PSG2: variants seen among roughly 807,000 people sequenced by gnomAD.
The protein encoded by PSG2 is pregnancy-specific beta-1-glycoprotein 2.
A neutral mutation model predicts 36.2 loss-of-function variants in PSG2; 49 were observed. The observed-to-expected ratio is 1.35, with a 90% CI of 1.08 to 1.72. The LOEUF (loss-of-function observed/expected upper bound fraction) is 1.72. PSG2 is among the 40% of genes most tolerant of loss of function. The pLI is 0.00. For missense variants in PSG2, 605 were observed against 407.2 expected, an observed-to-expected ratio of 1.49 and a Z score of -4.18; for synonymous variants, 261 against 155.6, an observed-to-expected ratio of 1.68 and a Z score of -5.04.
chr19:43,070,874 T>C (rs1334937843), intron 4 of PSG2, among the ~76,000 whole-genome samples: 2 of 151,662 alleles, frequency 1.3e-5, no homozygotes, highest in East Asian at 3.9e-4. Flanking sequence ...CTCTCTATAA[T>C]TACACACTTT....
chr19:43,078,554 C>T (rs1227391718), intron 2 of PSG2, among the ~76,000 whole-genome samples: 1 of 151,654 alleles, frequency 6.6e-6, no homozygotes, highest in Non-Finnish European at 1.5e-5. Context: ...TGGTCCCTAC[C>T]TAGAGGCGGA....
In PSG2 at chr19:43,082,404, T is replaced by A; in HGVS notation, c.64+102A>T. 6 of 1,532,178 alleles carry A rather than the reference T, an allele frequency of 3.9e-6. No homozygotes were observed. In the South Asian group the frequency reaches 4.5e-5, roughly 11 times the overall value. 94.9% of individuals were successfully genotyped at this position (1,532,178 alleles called of 1,614,324 possible). A position where few individuals can be genotyped will look rare whatever the true frequency, so the allele number is the denominator to read the frequency against. ...ATCCACCCACCTCAGCCTCCCTAAG[T>A]GCTGGCTTCTTTCATTTTTTAGAAC... is the stretch of plus-strand genomic sequence containing the variant. On this transcript the variant is annotated intron_variant, in intron 1 of 5. Coordinates refer to ENST00000406487, the MANE Select transcript of PSG2 (RefSeq NM_031246.4).
At chr19:43,068,540 T>C (rs1967774179) in intron 4 of PSG2, among the ~76,000 whole-genome samples, 2 of 150,200 alleles carry the variant, frequency 1.3e-5, no homozygotes, top group South Asian at 2.1e-4. Context: ...ATTATGAAAG[T>C]ACTATAAATA....
intron 2 of PSG2, among the ~76,000 whole-genome samples, chr19:43,077,527 A>G (rs1967914198): frequency 1.3e-5 from 2 of 151,696 alleles, no homozygotes. Context: ...GAAGATTCTA[A>G]GTGAGATGCC....
At chr19:43,069,485 C>G (rs1363925399) in intron 4 of PSG2, among the ~76,000 whole-genome samples, 2 of 151,742 alleles carry the variant, frequency 1.3e-5, no homozygotes, top group Admixed American at 6.6e-5. Context: ...GTAATCAATA[C>G]AGTGTGGTAC....
At chr19:43,074,818 C>A (rs1485381620) in intron 3 of PSG2, among the ~76,000 whole-genome samples, 1 of 151,778 alleles carries the variant, frequency 6.6e-6, no homozygotes, top group Non-Finnish European at 1.5e-5. Flanking sequence ...AACACTTGTG[C>A]TGATTGCTGG....
chr19:43,079,654 G>A (rs1170267021), intron 2 of PSG2, among the ~76,000 whole-genome samples: 2 of 151,506 alleles, frequency 1.3e-5, no homozygotes. Flanking sequence ...CAGTGATGGG[G>A]GTTAAGATCT....
chr19:43,072,339 A>T, intron 3 of PSG2: 4 of 1,611,900 alleles, frequency 2.5e-6, no homozygotes, highest in Non-Finnish European at 3.4e-6. Context: ...CCCACAGAGG[A>T]ACAAAAGATA....
At chr19:43,065,246 G>C (rs185106777) in intron 5 of PSG2, among the ~76,000 whole-genome samples, 1 of 151,262 alleles carries the variant, frequency 6.6e-6, no homozygotes, top group Admixed American at 6.6e-5. Context: ...AAATAAGGTG[G>C]CTTTTCCGTT....
intron 2 of PSG2, among the ~76,000 whole-genome samples, chr19:43,076,368 A>G (rs954573927): frequency 6.6e-6 from 1 of 151,764 alleles, no homozygotes; most frequent in African/African-American, 2.4e-5. Flanking sequence ...TTCTGGGTCC[A>G]CAATGCTCCC....
chr19:43,065,736 A>G (rs542053288), intron 5 of PSG2: 24 of 151,762 alleles, frequency 1.6e-4, no homozygotes, highest in South Asian at 6.2e-4. Context: ...ACATGAACTG[A>G]TCATCAGGAA....
rs567878990 is a variant in PSG2, at chr19:43,079,547, T to C, written c.430+1334A>G. Among the ~76,000 whole-genome samples the C allele has an allele frequency of 1.4e-4, 21 of 151,736 alleles. No homozygotes were observed. In the East Asian group the frequency reaches 3.9e-3, roughly 28 times the overall value. ...TGTGTGTCTCTCACTGGGCCTGTGC[T>C]GATGCAGGGTGTGAGTGGGGAAAGA... is the stretch of plus-strand genomic sequence containing the variant. On this transcript the variant is annotated intron_variant, in intron 2 of 5. Transcript: ENST00000406487.
intron 4 of PSG2, among the ~76,000 whole-genome samples, chr19:43,071,274 C>T (rs1438841708): frequency 6.6e-6 from 1 of 151,560 alleles, no homozygotes; most frequent in Non-Finnish European, 1.5e-5. Flanking sequence ...GCTTCCTCCT[C>T]TCATTTGGGG....
intron 5 of PSG2, chr19:43,065,811 T>A (rs1044119396): frequency 2.6e-5 from 4 of 151,964 alleles, no homozygotes; most frequent in African/African-American, 4.9e-5. Context: ...CTAAAGTCTT[T>A]GTTCTCCACG....
At chr19:43,072,030 A>G in intron 3 of PSG2, 76 bp from the exon 4 acceptor site, 2 of 1,549,946 alleles carry the variant, frequency 1.3e-6, no homozygotes, top group Non-Finnish European at 8.8e-7. Flanking sequence ...AAAGGGACAC[A>G]GTGACCCTCT....
intron 2 of PSG2, among the ~76,000 whole-genome samples, chr19:43,080,477 G>A (rs1241453730): frequency 1.3e-5 from 2 of 151,706 alleles, no homozygotes; most frequent in Non-Finnish European, 2.9e-5. Context: ...AAGGATTTAG[G>A]GACAGGGTTT....
chr19:43,073,373 A>G (rs543322685), intron 3 of PSG2, among the ~76,000 whole-genome samples: 1 of 151,856 alleles, frequency 6.6e-6, no homozygotes, highest in South Asian at 2.1e-4. Flanking sequence ...GGGTTCTTTA[A>G]GTTTCCTCTC....
At chr19:43,080,051 T>C (rs10426741) in intron 2 of PSG2, among the ~76,000 whole-genome samples, 58,325 of 151,438 alleles carry the variant, frequency 0.39, 13,047 homozygotes, top group African/African-American at 0.6. Flanking sequence ...AGTCACTTGA[T>C]CTAATGCTTG....
chr19:43,065,129 T>C lies in PSG2; in HGVS notation c.*41-528A>G, dbSNP rs1967722965. Among the ~76,000 whole-genome samples, 2 of 151,790 alleles carry C rather than the reference T, an allele frequency of 1.3e-5. 1 individual carries two copies. The highest frequency in any genetic ancestry group is 4.9e-5 in the African/African-American group (2 of 41,154). On this transcript the variant is annotated intron_variant, in intron 5 of 5. Coordinates refer to ENST00000406487, the MANE Select transcript of PSG2 (RefSeq NM_031246.4). ...GGATTGCAGGCGTGAGCCATCGCGCTCAGCCTAGAATACTCATATTATTAA... is the reference window on the plus strand; with the variant it reads ...GGATTGCAGGCGTGAGCCATCGCGCCCAGCCTAGAATACTCATATTATTAA...
Sources: gnomAD v4.1 joint callset for allele counts (sites outside exome capture counted in the v4.1 genomes callset) on GRCh38, gnomAD v4.1.1 for gene constraint, MANE v1.5 for transcripts, NCBI Gene and HGNC (gene_info 2026-07-23, HGNC 2026-07-21) for gene names.